The following SNX30 variants were observed in gnomAD, a reference collection of about 807,000 sequenced individuals.
The protein encoded by SNX30 is sorting nexin family member 30, also known as sorting nexin-30.
SNX30 carries 24 observed loss-of-function variants against 46.4 expected under a neutral mutation model. The observed-to-expected ratio is 0.52, with a 90% CI of 0.37 to 0.73. SNX30 has a LOEUF of 0.73. Among genes scored for constraint, SNX30 ranks in the 30% least tolerant of loss-of-function variants. SNX30 has a pLI of 0.00. For missense variants in SNX30, 533 were observed against 555.7 expected (o/e 0.96, Z 0.41); for synonymous variants, 189 against 211.5 (o/e 0.89, Z 0.92).
chr9:112,794,116 C>T lies in SNX30; in HGVS notation c.157-10660C>T, dbSNP rs1326962146. On this transcript the variant is annotated intron_variant, in intron 1 of 8. Transcript: ENST00000374232. ...TTAGTTTTACAACAAAATCAACAATCAAGAATATTCAGTTTGTATAGAACA... is the reference window on the plus strand; with the variant it reads ...TTAGTTTTACAACAAAATCAACAATTAAGAATATTCAGTTTGTATAGAACA... Among the ~76,000 whole-genome samples the T allele has an allele frequency of 2.6e-5, 4 of 152,088 alleles. No individual in the cohort carries two copies. In the East Asian group the frequency reaches 7.7e-4, roughly 29 times the overall value.
rs751450450 is a variant in SNX30 at position 112,804,733 on chromosome 9, G to GCA, written c.157-43_157-42insCA. 69 of 983,552 alleles carry GCA rather than the reference G, an allele frequency of 7.0e-5. 1 individual carries two copies. Among genetic ancestry groups the GCA allele is most frequent in the Non-Finnish European group, 9.2e-5 (68 of 738,054 alleles). The allele number at this position is 983,552 out of a possible 1,614,324, so 60.9% of individuals were successfully genotyped here. On this transcript the variant is annotated intron_variant, in intron 1 of 8. Coordinates refer to ENST00000374232, the MANE Select transcript of SNX30 (RefSeq NM_001012994.2). The stretch of plus-strand genomic sequence containing the variant: ...CAGCTGCTTTTGCTGATACTCTCCA[G>GCA]TATGTTTTCATTTAATTTTAAGGTG...
At chr9:112,828,146 T>C (rs1384224856) in intron 3 of SNX30, among the ~76,000 whole-genome samples, 1 of 152,178 alleles carries the variant, frequency 6.6e-6, no homozygotes, top group Non-Finnish European at 1.5e-5. Flanking sequence ...AGAAAGACAA[T>C]GTTGAATGAC....
intron 1 of SNX30, among the ~76,000 whole-genome samples, chr9:112,772,486 G>A (rs1401050667): frequency 6.6e-6 from 1 of 152,182 alleles, no homozygotes; most frequent in Non-Finnish European, 1.5e-5. Flanking sequence ...GGATTGACAG[G>A]TGTGGGGCTG....
intron 8 of SNX30, 91 bp from the exon 9 acceptor site, chr9:112,868,693 C>G: frequency 7.4e-7 from 1 of 1,351,284 alleles, no homozygotes; most frequent in Non-Finnish European, 1.1e-6. Context: ...CCAGCAGGAT[C>G]GACAACGAAA....
intron 3 of SNX30, among the ~76,000 whole-genome samples, chr9:112,818,770 C>T (rs1244390824): frequency 1.3e-5 from 2 of 152,082 alleles, no homozygotes; most frequent in East Asian, 1.9e-4. Context: ...TTAGAAGAGG[C>T]TGTGTATGTT....
chr9:112,806,118 A>T (rs111347241), intron 2 of SNX30, among the ~76,000 whole-genome samples: 3 of 152,224 alleles, frequency 2.0e-5, no homozygotes, highest in African/African-American at 7.2e-5. Flanking sequence ...TGTCTTATAG[A>T]GTGTTTATCA....
chr9:112,859,295 G>C (rs1024778431), intron 7 of SNX30, among the ~76,000 whole-genome samples: 7 of 152,022 alleles, frequency 4.6e-5, no homozygotes, highest in Admixed American at 4.6e-4. Flanking sequence ...ATATATATGG[G>C]ACATACACAC....
chr9:112,825,686 G>C (rs1377071472), intron 3 of SNX30, among the ~76,000 whole-genome samples: 2 of 152,058 alleles, frequency 1.3e-5, no homozygotes, highest in Admixed American at 1.3e-4. Flanking sequence ...TGTTCTCGGT[G>C]CTTACAAATT....
intron 1 of SNX30, among the ~76,000 whole-genome samples, chr9:112,761,261 C>G (rs1311418871): frequency 6.6e-6 from 1 of 152,200 alleles, no homozygotes; most frequent in Non-Finnish European, 1.5e-5. Flanking sequence ...CTCCTGTGTT[C>G]AAGCGATTCT....
chr9:112,837,058 A>T (rs1466698500), intron 5 of SNX30, among the ~76,000 whole-genome samples: 3 of 152,182 alleles, frequency 2.0e-5, no homozygotes, highest in African/African-American at 7.2e-5. Context: ...AGTGTAAATG[A>T]TCGCACTGGC....
At chr9:112,832,857 T>A (rs1332010083) in intron 4 of SNX30, among the ~76,000 whole-genome samples, 2 of 147,094 alleles carry the variant, frequency 1.4e-5, no homozygotes, top group African/African-American at 4.9e-5. Context: ...TAATATATAA[T>A]AAATATAATA....
At chr9:112,839,305 A>C (rs1417212683) in intron 6 of SNX30, among the ~76,000 whole-genome samples, 1 of 152,256 alleles carries the variant, frequency 6.6e-6, no homozygotes, top group African/African-American at 2.4e-5. Flanking sequence ...ATTGCCCAGC[A>C]AAAGGATTGA....
At chr9:112,792,843 A>T in intron 1 of SNX30, among the ~76,000 whole-genome samples, 1 of 147,118 alleles carries the variant, frequency 6.8e-6, no homozygotes, top group African/African-American at 2.5e-5. Flanking sequence ...GTTTTAATTT[A>T]TGCTTTCATT....
intron 3 of SNX30, among the ~76,000 whole-genome samples, chr9:112,825,169 G>T (rs1463442166): frequency 6.6e-6 from 1 of 152,192 alleles, no homozygotes; most frequent in African/African-American, 2.4e-5. Context: ...TGTTCAAACG[G>T]TTTTCCACAG....
chr9:112,754,303 A>T (rs539993775), intron 1 of SNX30, among the ~76,000 whole-genome samples: 1 of 151,890 alleles, frequency 6.6e-6, no homozygotes, highest in South Asian at 2.1e-4. Flanking sequence ...TGTTCAAATC[A>T]TGGTGTGATG....
chr9:112,776,626 A>G (rs1466635140), intron 1 of SNX30, among the ~76,000 whole-genome samples: 1 of 152,202 alleles, frequency 6.6e-6, no homozygotes, highest in East Asian at 1.9e-4. Context: ...CCACACGCTC[A>G]TGTCTATGTG....
chr9:112,809,650 C>G (rs1840286804), intron 2 of SNX30, among the ~76,000 whole-genome samples: 2 of 152,034 alleles, frequency 1.3e-5, no homozygotes, highest in Non-Finnish European at 2.9e-5. Context: ...AAATGCTGCT[C>G]CGAGGCTGAA....
At chr9:112,752,192 T>C (rs1839289257) in intron 1 of SNX30, among the ~76,000 whole-genome samples, 1 of 152,192 alleles carries the variant, frequency 6.6e-6, no homozygotes, top group Non-Finnish European at 1.5e-5. Context: ...AAATATAACC[T>C]GCCCTCCTTG....
intron 1 of SNX30, among the ~76,000 whole-genome samples, chr9:112,788,431 T>C (rs1016471368): frequency 2.0e-5 from 3 of 152,150 alleles, no homozygotes; most frequent in African/African-American, 7.2e-5. Context: ...CTTTGTAAGA[T>C]GAACAGATGG....
Sources: allele counts gnomAD v4.1 joint callset (sites outside exome capture counted in the v4.1 genomes callset), GRCh38; gene constraint gnomAD v4.1.1; transcripts MANE v1.5; gene names NCBI Gene and HGNC (gene_info 2026-07-23, HGNC 2026-07-21).